The following PTCHD1 variants were observed in gnomAD, a reference collection of about 807,000 sequenced individuals.
PTCHD1 encodes the protein patched domain containing 1.
Under a neutral mutation model 34.6 loss-of-function variants are expected in PTCHD1, and 3 were observed. The observed-to-expected ratio is 0.09, with a 90% CI of 0.04 to 0.22. The LOEUF (loss-of-function observed/expected upper bound fraction) is 0.22, where lower values mean the gene tolerates loss of function less well. Ranked by LOEUF, PTCHD1 falls within the 10% of genes least tolerant of loss-of-function variation. The probability of loss-of-function intolerance (pLI) is 1.00; values close to 1 mark genes in which losing one functional copy is unlikely to be tolerated. For synonymous variants in PTCHD1, 305 were observed against 283.1 expected, an observed-to-expected ratio of 1.08 and a Z score of -0.77; for missense variants, 504 against 685.5, an observed-to-expected ratio of 0.74 and a Z score of 2.96.
intron 2 of PTCHD1, among the ~76,000 whole-genome samples, chrX:23,385,525 A>G (rs775718640): frequency 9.0e-6 from 1 of 111,705 alleles, no homozygotes; most frequent in Admixed American, 9.5e-5. Context: ...AGGACACTGA[A>G]CTAAACATAG....
rs781535860 is a variant in PTCHD1 at position 23,357,103 on chromosome X, C to T, written c.351+21877C>T. ...AAGTGTCAGACTCTTTCTACCATAC[C>T]AGGCTGCCTCTGGGGCTCTTCTTTC... On this transcript the variant is annotated intron_variant, in intron 1 of 2. Transcript: ENST00000379361. Among the ~76,000 whole-genome samples, 268 of 112,029 alleles carry T rather than the reference C, an allele frequency of 2.4e-3. 2 individuals are homozygous for T. Among genetic ancestry groups the T allele is most frequent in the Non-Finnish European group, 3.8e-3 (201 of 53,187 alleles).
rs1213309993 is a variant in PTCHD1, at chrX:23,400,297, A to G, written c.*6112A>G. 2 of 111,256 alleles carry G rather than the reference A, an allele frequency of 1.8e-5. No individual in the cohort carries two copies. The highest frequency in any genetic ancestry group is 1.9e-5 in the Non-Finnish European group (1 of 52,973). The allele number at this position is 111,256 out of a possible 1,213,427, so 9.2% of individuals were successfully genotyped here. A position where few individuals can be genotyped will look rare whatever the true frequency, so the allele number is the denominator to read the frequency against. On this transcript the variant is annotated 3_prime_UTR_variant, in exon 3 of 3. Coordinates refer to ENST00000379361, the MANE Select transcript of PTCHD1 (RefSeq NM_173495.3). Reference sequence around the variant, plus strand: ...AGAGATTGAGACCATCCTGGCCAGCATGGTGAAACCCCGCCTCTACTAAAA... The same window carrying G: ...AGAGATTGAGACCATCCTGGCCAGCGTGGTGAAACCCCGCCTCTACTAAAA...
intron 1 of PTCHD1, among the ~76,000 whole-genome samples, chrX:23,361,726 T>C (rs777886351): frequency 1.8e-5 from 2 of 112,353 alleles, no homozygotes; most frequent in African/African-American, 3.2e-5. Flanking sequence ...CATTAGTTGA[T>C]GCATTTTCTT....
intron 1 of PTCHD1, among the ~76,000 whole-genome samples, chrX:23,347,655 C>T (rs1921512134): frequency 9.0e-6 from 1 of 111,621 alleles, no homozygotes; most frequent in African/African-American, 3.3e-5. Context: ...ACAAAGGAAA[C>T]ATCAAAATCA....
intron 1 of PTCHD1, among the ~76,000 whole-genome samples, chrX:23,374,960 T>C (rs1004316665): frequency 1.1e-4 from 12 of 111,773 alleles, no homozygotes; most frequent in African/African-American, 2.9e-4. Flanking sequence ...TTAAGGTAGG[T>C]AGTGGAAGCG....
In PTCHD1 at chrX:23,359,559, G is replaced by A. The variant is rs371684655; in HGVS notation, c.352-20032G>A. 6.2e-5 allele frequency among the ~76,000 whole-genome samples: 7 copies of A among 112,103 alleles called. No individual in the cohort carries two copies. In the East Asian group the frequency reaches 1.1e-3, roughly 18 times the overall value. On this transcript the variant is annotated intron_variant, in intron 1 of 2. Transcript: ENST00000379361. ...TAAGGAGATTTTGGGCTGAGACGAT[G>A]GGATTTTATAAATATACAACCATGT...
intron 1 of PTCHD1, among the ~76,000 whole-genome samples, chrX:23,353,866 C>G (rs1225780653): frequency 9.0e-6 from 1 of 111,472 alleles, no homozygotes; most frequent in Non-Finnish European, 1.9e-5. Context: ...GGCTAGAAAC[C>G]AAATCAGGAG....
intron 1 of PTCHD1, among the ~76,000 whole-genome samples, chrX:23,358,950 A>G (rs1234204547): frequency 8.9e-6 from 1 of 111,930 alleles, no homozygotes; most frequent in Non-Finnish European, 1.9e-5. Context: ...CAAAGATCAG[A>G]TGGTTGTAGA....
chrX:23,363,567 C>T (rs896638468), intron 1 of PTCHD1, among the ~76,000 whole-genome samples: 6 of 112,732 alleles, frequency 5.3e-5, no homozygotes, highest in Non-Finnish European at 1.1e-4. Flanking sequence ...TCATGGCTTC[C>T]CTTGGGTAGG....
intron 1 of PTCHD1, among the ~76,000 whole-genome samples, chrX:23,352,869 A>T (rs1019889561): frequency 1.8e-5 from 2 of 111,789 alleles, no homozygotes; most frequent in African/African-American, 6.5e-5. Flanking sequence ...AGACCTAGTA[A>T]ATCAGAATCT....
At chrX:23,344,868 G>A (rs1921434750) in intron 1 of PTCHD1, among the ~76,000 whole-genome samples, 1 of 111,802 alleles carries the variant, frequency 8.9e-6, no homozygotes, top group Non-Finnish European at 1.9e-5. Flanking sequence ...ATGCCAAAGA[G>A]GGATTCTCCA....
chrX:23,336,214 A>G (rs764323750), intron 1 of PTCHD1, among the ~76,000 whole-genome samples: 6 of 112,140 alleles, frequency 5.4e-5, no homozygotes, highest in Non-Finnish European at 1.1e-4. Flanking sequence ...AGAGATGGAA[A>G]AGTGGAGACC....
chrX:23,343,661 TAAAAG>T (rs1174803178), intron 1 of PTCHD1, among the ~76,000 whole-genome samples: 1 of 111,874 alleles, frequency 8.9e-6, no homozygotes, highest in African/African-American at 3.3e-5. Context: ...GAGGCAAACT[TAAAAG>T]AAAATGATAC....
rs182227995 is a variant in PTCHD1 at position 23,352,110 on chromosome X, G to A, written c.351+16884G>A. 1.2e-4 allele frequency among the ~76,000 whole-genome samples: 13 copies of A among 112,164 alleles called. No homozygotes were observed. In the East Asian group the frequency reaches 3.1e-3, roughly 26 times the overall value. ...GAAAGCAATTGACCTTAAAAAGAGA[G>A]AGAGCCATGGGCCTTGATTTTCACA... On this transcript the variant is annotated intron_variant, in intron 1 of 2. Coordinates refer to ENST00000379361, the MANE Select transcript of PTCHD1 (RefSeq NM_173495.3).
intron 1 of PTCHD1, chrX:23,351,385 A>G (rs1473535735): frequency 2.2e-5 from 15 of 669,909 alleles, no homozygotes; most frequent in Non-Finnish European, 3.2e-5. Context: ...TCTGCAAAAT[A>G]TGTTTCTGAA....
intron 2 of PTCHD1, among the ~76,000 whole-genome samples, chrX:23,381,575 G>A (rs1044022620): frequency 8.9e-6 from 1 of 111,966 alleles, no homozygotes; most frequent in African/African-American, 3.2e-5. Flanking sequence ...GTGAGCACAC[G>A]ATAAGCGGGG....
At chrX:23,352,748 A>T (rs768674003) in intron 1 of PTCHD1, among the ~76,000 whole-genome samples, 1 of 111,988 alleles carries the variant, frequency 8.9e-6, no homozygotes, top group African/African-American at 3.3e-5. Flanking sequence ...TCTCATTTCA[A>T]TGGTCTAAAA....
chrX:23,358,111 A>G (rs1280315198), intron 1 of PTCHD1, among the ~76,000 whole-genome samples: 3 of 111,899 alleles, frequency 2.7e-5, no homozygotes, highest in African/African-American at 9.8e-5. Context: ...TAGTGCCGCA[A>G]TAAACATACG....
chrX:23,360,043 C>G (rs1188759616), intron 1 of PTCHD1, among the ~76,000 whole-genome samples: 1 of 111,980 alleles, frequency 8.9e-6, no homozygotes, highest in African/African-American at 3.2e-5. Flanking sequence ...CTGCTAGATT[C>G]AGTTTACTAG....
Sources: allele counts gnomAD v4.1 joint callset (sites outside exome capture counted in the v4.1 genomes callset), GRCh38; gene constraint gnomAD v4.1.1; transcripts MANE v1.5; gene names NCBI Gene and HGNC (gene_info 2026-07-23, HGNC 2026-07-21).